SLCO4C1: variants seen among roughly 807,000 people sequenced by gnomAD.
The protein encoded by SLCO4C1 is organic anion transporter M1.
Under a neutral mutation model 72.1 loss-of-function variants are expected in SLCO4C1, and 58 were observed. That is an observed-to-expected ratio of 0.80 (90% CI 0.65 to 1.00). The LOEUF (loss-of-function observed/expected upper bound fraction) is 1.00, where lower values mean the gene tolerates loss of function less well. Among genes scored for constraint, SLCO4C1 ranks in the 50% least tolerant of loss-of-function variants. SLCO4C1 has a pLI of 0.00. For synonymous variants in SLCO4C1, 297 were observed against 312.5 expected (o/e 0.95, Z 0.52); for missense variants, 898 against 857.9 (o/e 1.05, Z -0.58).
chr5:102,272,792 T>C (rs1200747150), intron 2 of SLCO4C1, among the ~76,000 whole-genome samples: 1 of 151,762 alleles, frequency 6.6e-6, no homozygotes. Flanking sequence ...CCGTCTCTAC[T>C]GAAAATACAA....
intron 2 of SLCO4C1, among the ~76,000 whole-genome samples, chr5:102,272,605 T>A (rs1413163970): frequency 1.3e-5 from 2 of 152,088 alleles, no homozygotes; most frequent in African/African-American, 4.8e-5. Flanking sequence ...AAAAAAGGAA[T>A]GGAAACAATT....
chr5:102,278,746 A>G (rs536136363), intron 2 of SLCO4C1, among the ~76,000 whole-genome samples: 1 of 152,038 alleles, frequency 6.6e-6, no homozygotes, highest in Non-Finnish European at 1.5e-5. Flanking sequence ...CAAATAATCT[A>G]TGGGTCAAAA....
At chr5:102,283,876 AAG>A (rs1295688942) in intron 2 of SLCO4C1, among the ~76,000 whole-genome samples, 1 of 152,218 alleles carries the variant, frequency 6.6e-6, no homozygotes, top group African/African-American at 2.4e-5. Flanking sequence ...GGAACATTAA[AAG>A]AGAATTTTCT....
intron 6 of SLCO4C1, among the ~76,000 whole-genome samples, chr5:102,259,197 G>A (rs542927940): frequency 6.6e-6 from 1 of 152,096 alleles, no homozygotes; most frequent in East Asian, 1.9e-4. Context: ...GGATATCTAG[G>A]TGGTATCCTA....
At chr5:102,240,535 G>T (rs1748518588) in intron 11 of SLCO4C1, among the ~76,000 whole-genome samples, 183 bp downstream of exon 11, 1 of 152,074 alleles carries the variant, frequency 6.6e-6, no homozygotes, top group Non-Finnish European at 1.5e-5. Context: ...AGTCAGGTAG[G>T]TTAAAAGTAT....
rs1285890804 is a variant in SLCO4C1, at chr5:102,236,382, A to T, written c.*476T>A. The stretch of plus-strand genomic sequence containing the variant: ...TCCCGGAAATCATCACACAACTTTG[A>T]TTAGTTTAAATTTTTATACCATAAA... On this transcript the variant is annotated 3_prime_UTR_variant, in exon 13 of 13. Transcript: ENST00000310954. 6.6e-6 allele frequency: 1 copy of T among 152,484 alleles called. No homozygotes were observed. Among genetic ancestry groups the T allele is most frequent in the Non-Finnish European group, 1.5e-5 (1 of 68,216 alleles). The allele number at this position is 152,484 out of a possible 1,614,324, so 9.4% of individuals were successfully genotyped here.
chr5:102,270,550 T>C (rs1306720641), intron 3 of SLCO4C1, 74 bp downstream of exon 3: 10 of 1,324,142 alleles, frequency 7.6e-6, no homozygotes, highest in Admixed American at 2.6e-5. Context: ...AGTAAGCCTA[T>C]GTTATACTTT....
At chr5:102,282,296 A>C (rs765695744) in intron 2 of SLCO4C1, among the ~76,000 whole-genome samples, 12 of 152,040 alleles carry the variant, frequency 7.9e-5, no homozygotes, top group Non-Finnish European at 1.6e-4. Flanking sequence ...ACAGAATGCT[A>C]TGCAAGAAAA....
At chr5:102,286,631 T>C (rs1166215994) in intron 2 of SLCO4C1, among the ~76,000 whole-genome samples, 2 of 152,088 alleles carry the variant, frequency 1.3e-5, no homozygotes, top group Non-Finnish European at 2.9e-5. Flanking sequence ...CATGTATTTG[T>C]TCCTCTTAAT....
intron 10 of SLCO4C1, among the ~76,000 whole-genome samples, chr5:102,243,854 A>T (rs1748590429): frequency 6.6e-6 from 1 of 152,166 alleles, no homozygotes; most frequent in Non-Finnish European, 1.5e-5. Context: ...ACAGAGAAGG[A>T]ATTCAGAATT....
At chr5:102,253,978 T>TCC (rs1472482520) in intron 8 of SLCO4C1, among the ~76,000 whole-genome samples, 4 of 151,966 alleles carry the variant, frequency 2.6e-5, no homozygotes, top group Non-Finnish European at 5.9e-5. Context: ...TCCCCTGATC[T>TCC]TACATTTTTT....
chr5:102,246,254 CCTTTAGCCTGA>C (rs1359177594), intron 10 of SLCO4C1, among the ~76,000 whole-genome samples: 1 of 151,614 alleles, frequency 6.6e-6, no homozygotes, highest in Non-Finnish European at 1.5e-5. Context: ...AATTGACAAA[CCTTTAGCCTGA>C]CTAAGAAAAA....
intron 2 of SLCO4C1, among the ~76,000 whole-genome samples, chr5:102,282,186 T>C (rs1274832928): frequency 6.6e-6 from 1 of 152,060 alleles, no homozygotes; most frequent in Non-Finnish European, 1.5e-5. Flanking sequence ...TGAAATATAG[T>C]AAAACCTTTA....
intron 2 of SLCO4C1, among the ~76,000 whole-genome samples, chr5:102,290,309 C>A (rs1318653782): frequency 6.6e-6 from 1 of 152,208 alleles, no homozygotes; most frequent in Non-Finnish European, 1.5e-5. Context: ...CCTCAGTCTT[C>A]CGAAATGATT....
At chr5:102,272,481 A>C (rs1749169590) in intron 2 of SLCO4C1, among the ~76,000 whole-genome samples, 1 of 152,198 alleles carries the variant, frequency 6.6e-6, no homozygotes. Flanking sequence ...AATTCACCTC[A>C]TTCAAAGTTG....
chr5:102,240,531 G>T (rs2112333596), intron 11 of SLCO4C1, among the ~76,000 whole-genome samples, 187 bp downstream of exon 11: 1 of 152,152 alleles, frequency 6.6e-6, no homozygotes, highest in African/African-American at 2.4e-5. Flanking sequence ...AACCAGTCAG[G>T]TAGGTTAAAA....
chr5:102,247,210 A>G (rs777459544), intron 10 of SLCO4C1, 42 bp downstream of exon 10: 26 of 1,397,750 alleles, frequency 1.9e-5, no homozygotes, highest in South Asian at 3.5e-5. Context: ...TTCCATCAAC[A>G]TGTTGCCTTA....
chr5:102,274,885 G>A (rs1009480584), intron 2 of SLCO4C1, among the ~76,000 whole-genome samples: 2 of 152,052 alleles, frequency 1.3e-5, no homozygotes, highest in African/African-American at 4.8e-5. Context: ...ACCACCCCGA[G>A]TCTAAACAGC....
intron 10 of SLCO4C1, among the ~76,000 whole-genome samples, chr5:102,244,529 AGTACGAGAAG>A (rs1748603815): frequency 6.6e-6 from 1 of 152,210 alleles, no homozygotes; most frequent in Non-Finnish European, 1.5e-5. Flanking sequence ...TCAATATCCA[AGTACGAGAAG>A]GTTATAGAAG....
Sources: allele counts gnomAD v4.1 joint callset (sites outside exome capture counted in the v4.1 genomes callset), GRCh38; gene constraint gnomAD v4.1.1; transcripts MANE v1.5; gene names NCBI Gene and HGNC (gene_info 2026-07-23, HGNC 2026-07-21).